Variants in THSD7A observed in about 807,000 individuals in gnomAD.
THSD7A encodes thrombospondin type-1 domain-containing protein 7A.
THSD7A carries 96 observed loss-of-function variants against 231.3 expected under a neutral mutation model. That is an observed-to-expected ratio of 0.41 (90% CI 0.35 to 0.49). The LOEUF (loss-of-function observed/expected upper bound fraction) is 0.49, where lower values mean the gene tolerates loss of function less well. THSD7A is among the 20% of genes least tolerant of loss of function. THSD7A has a pLI of 0.05. For missense variants in THSD7A, 2,290 were observed against 2,070.2 expected (o/e 1.11, Z -2.06); for synonymous variants, 940 against 743.3 (o/e 1.26, Z -4.30).
At chr7:11,750,325 C>T (rs1172026605) in intron 1 of THSD7A, among the ~76,000 whole-genome samples, 2 of 151,822 alleles carry the variant, frequency 1.3e-5, no homozygotes, top group Non-Finnish European at 1.5e-5. Context: ...TAGTACAAAT[C>T]AGGACGGTAT....
chr7:11,804,802 C>T (rs151203338), intron 1 of THSD7A, among the ~76,000 whole-genome samples: 3 of 152,284 alleles, frequency 2.0e-5, no homozygotes, highest in African/African-American at 7.2e-5. Flanking sequence ...TGGTACTGTT[C>T]AGTCCTCACA....
chr7:11,388,657 A>C (rs1294050803), intron 23 of THSD7A, among the ~76,000 whole-genome samples: 1 of 152,000 alleles, frequency 6.6e-6, no homozygotes, highest in Non-Finnish European at 1.5e-5. Flanking sequence ...GGATTCATTG[A>C]TTTTTTAGAA....
At chr7:11,523,809 C>T (rs932591690) in intron 6 of THSD7A, among the ~76,000 whole-genome samples, 3 of 152,002 alleles carry the variant, frequency 2.0e-5, no homozygotes, top group Non-Finnish European at 2.9e-5. Flanking sequence ...TTATTGTTCT[C>T]CGCTTGTCAT....
At chr7:11,770,163 T>C (rs948237664) in intron 1 of THSD7A, among the ~76,000 whole-genome samples, 5 of 152,092 alleles carry the variant, frequency 3.3e-5, no homozygotes, top group Non-Finnish European at 5.9e-5. Flanking sequence ...AACTATTTTG[T>C]TTTCAATTCT....
intron 6 of THSD7A, among the ~76,000 whole-genome samples, chr7:11,536,483 C>T (rs1788920015): frequency 6.6e-6 from 1 of 152,072 alleles, no homozygotes; most frequent in Non-Finnish European, 1.5e-5. Flanking sequence ...GTTTCTGGGA[C>T]TCATCTTCTT....
chr7:11,727,807 ATT>A (rs1781599355), intron 1 of THSD7A, among the ~76,000 whole-genome samples: 1 of 151,978 alleles, frequency 6.6e-6, no homozygotes, highest in African/African-American at 2.4e-5. Context: ...GGATACACCC[ATT>A]GCTTTTTATT....
At chr7:11,653,470 G>GTGTGTGTA (rs1362546534) in intron 1 of THSD7A, among the ~76,000 whole-genome samples, 1 of 150,378 alleles carries the variant, frequency 6.6e-6, no homozygotes, top group Non-Finnish European at 1.5e-5. Flanking sequence ...GTGTGTGTGT[G>GTGTGTGTA]TGTGTGTGTG....
At position 11,377,996 on chromosome 7, in the gene THSD7A, A is replaced by G. The variant is rs921115985; in HGVS notation, c.4801+1074T>C. ...GGAAGAGTTTCCCATGCTTACACAG[A>G]TAAGTCAGCTTTGCAAAATAAATCA... On this transcript the variant is annotated intron_variant, in intron 26 of 27. Coordinates refer to ENST00000423059, the MANE Select transcript of THSD7A (RefSeq NM_015204.3). The surrounding 1 kb of genome is among the most constrained non-coding windows in gnomAD (Gnocchi z 4.5). The G allele has an allele frequency of 2.0e-5, 3 of 152,250 alleles. No homozygotes were observed. The highest frequency in any genetic ancestry group is 7.2e-5 in the African/African-American group (3 of 41,552). 9.4% of individuals were successfully genotyped at this position (152,250 alleles called of 1,614,324 possible). A position where few individuals can be genotyped will look rare whatever the true frequency, so the allele number is the denominator to read the frequency against.
chr7:11,409,185 G>A (rs577358145), intron 19 of THSD7A, among the ~76,000 whole-genome samples: 1 of 152,288 alleles, frequency 6.6e-6, no homozygotes, highest in South Asian at 2.1e-4. Flanking sequence ...ATGAGTAAAT[G>A]TCTGAAAAAC....
In THSD7A at chr7:11,480,573, T is replaced by C. The variant is rs571364503; in HGVS notation, c.2017+1215A>G. Among the ~76,000 whole-genome samples the C allele has an allele frequency of 5.9e-5, 9 of 152,316 alleles. No homozygotes were observed. In the South Asian group the frequency reaches 8.3e-4, roughly 14 times the overall value. ...TTGTATTTTTCAATAGATACACTTT[T>C]TTTTTGGAGCAAAGAGTTAAATATA... On this transcript the variant is annotated intron_variant, in intron 7 of 27. Coordinates refer to ENST00000423059, the MANE Select transcript of THSD7A (RefSeq NM_015204.3).
intron 6 of THSD7A, among the ~76,000 whole-genome samples, chr7:11,504,599 T>C (rs1370050615): frequency 6.6e-6 from 1 of 152,194 alleles, no homozygotes; most frequent in Non-Finnish European, 1.5e-5. Context: ...GAGCTATCTA[T>C]ATGAAGTAGT....
intron 16 of THSD7A, among the ~76,000 whole-genome samples, chr7:11,419,830 G>A (rs1263349260): frequency 3.3e-5 from 5 of 152,208 alleles, no homozygotes; most frequent in Non-Finnish European, 7.3e-5. Context: ...GAGCTTATTG[G>A]GAAGTGGAGT....
In THSD7A at chr7:11,780,997, C is replaced by CAA. The variant is rs58931693; in HGVS notation, c.190+50758_190+50759dup. ...TGGGCGACAGAGCGAGACTCCGTCTCAAAAAAAAAAAAAAAAAAAAAAAAA... is the reference window on the plus strand; with the variant it reads ...TGGGCGACAGAGCGAGACTCCGTCTCAAAAAAAAAAAAAAAAAAAAAAAAAAA... On this transcript the variant is annotated intron_variant, in intron 1 of 27. Transcript: ENST00000423059. 2.5e-3 allele frequency among the ~76,000 whole-genome samples: 87 copies of CAA among 34,446 alleles called. 22 individuals carry two copies. Among genetic ancestry groups the CAA allele is most frequent in the Admixed American group, 5.1e-3 (9 of 1,772 alleles). 22.6% of individuals were successfully genotyped at this position (34,446 alleles called of 152,430 possible).
intron 4 of THSD7A, among the ~76,000 whole-genome samples, chr7:11,550,628 G>C (rs975390253): frequency 7.9e-5 from 12 of 152,118 alleles, no homozygotes; most frequent in African/African-American, 2.7e-4. Flanking sequence ...TAAGTTTCTT[G>C]AGGCCTTCCC....
intron 4 of THSD7A, among the ~76,000 whole-genome samples, chr7:11,573,889 T>C (rs1358060709): frequency 2.6e-5 from 4 of 152,170 alleles, no homozygotes; most frequent in Non-Finnish European, 5.9e-5. Flanking sequence ...TTAATATCTT[T>C]CCCCTAAGTA....
At chr7:11,543,386 G>A (rs1789236420) in intron 4 of THSD7A, among the ~76,000 whole-genome samples, 1 of 152,212 alleles carries the variant, frequency 6.6e-6, no homozygotes, top group South Asian at 2.1e-4. Flanking sequence ...AATTAATAAT[G>A]CTGAATATAA....
chr7:11,424,233 A>G (rs1480469530), intron 16 of THSD7A, among the ~76,000 whole-genome samples: 2 of 151,654 alleles, frequency 1.3e-5, no homozygotes, highest in Non-Finnish European at 2.9e-5. Context: ...TGGCTATCCT[A>G]TGGGACAGTG....
intron 13 of THSD7A, among the ~76,000 whole-genome samples, chr7:11,432,364 G>A (rs534014031): frequency 1.1e-4 from 17 of 152,100 alleles, no homozygotes; most frequent in Non-Finnish European, 1.9e-4. Context: ...TTTAAACTTC[G>A]TATTGTAGTC....
At chr7:11,726,940 T>A (rs1003077995) in intron 1 of THSD7A, among the ~76,000 whole-genome samples, 1 of 151,916 alleles carries the variant, frequency 6.6e-6, no homozygotes. Flanking sequence ...AACCAGAGGT[T>A]TGGCACACAG....
Sources: allele counts gnomAD v4.1 joint callset (sites outside exome capture counted in the v4.1 genomes callset), GRCh38; gene constraint gnomAD v4.1.1; non-coding constraint Gnocchi (gnomAD v3.1); transcripts MANE v1.5; gene names NCBI Gene and HGNC (gene_info 2026-07-23, HGNC 2026-07-21).